Variants in SLC36A4 observed in about 807,000 individuals in gnomAD.
The protein encoded by SLC36A4 is solute carrier family 36 member 4, also known as neutral amino acid uniporter 4.
SLC36A4 carries 49 observed loss-of-function variants against 50.5 expected under a neutral mutation model. The observed-to-expected ratio is 0.97, with a 90% confidence interval of 0.77 to 1.23. The LOEUF is 1.23. Ranked by LOEUF, SLC36A4 falls within the 50% of genes most tolerant of loss-of-function variation. The probability of loss-of-function intolerance (pLI) is 0.00; values close to 1 mark genes in which losing one functional copy is unlikely to be tolerated. For missense variants in SLC36A4, 611 were observed against 608.4 expected (o/e 1.00, Z -0.05); for synonymous variants, 207 against 206.5 (o/e 1.00, Z -0.02).
At chr11:93,151,388 TA>T (rs1166899519) in intron 10 of SLC36A4, among the ~76,000 whole-genome samples, 2 of 151,986 alleles carry the variant, frequency 1.3e-5, no homozygotes, top group Non-Finnish European at 2.9e-5. Context: ...GATATTAAAA[TA>T]AAAGCCTATT....
chr11:93,185,828 A>T lies in SLC36A4; in HGVS notation c.56-14T>A, dbSNP rs1861961197. On this transcript the variant is annotated splice_polypyrimidine_tract_variant and intron_variant, in intron 1 of 10. Coordinates refer to ENST00000326402, the MANE Select transcript of SLC36A4 (RefSeq NM_152313.4). ...TTACATCCATATCTTTAAAAAAGAA[A>T]AACAAAGTACTTCACTATTGCTTAA... 6.4e-7 allele frequency: 1 copy of T among 1,566,736 alleles called. No individual in the cohort carries two copies. Among genetic ancestry groups the T allele is most frequent in the South Asian group, 1.2e-5 (1 of 83,304 alleles).
intron 8 of SLC36A4, 79 bp downstream of exon 8, chr11:93,165,839 T>C (rs1860832360): frequency 2.4e-6 from 2 of 840,450 alleles, no homozygotes; most frequent in Non-Finnish European, 3.5e-6. Context: ...AAATATGCAA[T>C]TTTAAATACA....
At chr11:93,193,187 T>C (rs1862285261) in intron 1 of SLC36A4, among the ~76,000 whole-genome samples, 1 of 152,166 alleles carries the variant, frequency 6.6e-6, no homozygotes, top group Non-Finnish European at 1.5e-5. Context: ...AACTGTGCTG[T>C]AAGATTGAGT....
intron 9 of SLC36A4, among the ~76,000 whole-genome samples, chr11:93,162,401 C>T (rs535123883): frequency 1.3e-5 from 2 of 151,912 alleles, no homozygotes; most frequent in Admixed American, 6.6e-5. Context: ...CTCCGCCTCC[C>T]GGGTTCAAGC....
intron 10 of SLC36A4, chr11:93,153,841 T>C (rs1216565482): frequency 5.4e-6 from 1 of 185,304 alleles, no homozygotes; most frequent in African/African-American, 2.3e-5. Context: ...ATGTACACAT[T>C]ATTTTAATCA....
intron 9 of SLC36A4, among the ~76,000 whole-genome samples, chr11:93,156,190 A>T (rs1440220219): frequency 6.6e-6 from 1 of 152,170 alleles, no homozygotes; most frequent in Non-Finnish European, 1.5e-5. Flanking sequence ...TTATACTCCC[A>T]TCAACAGTTT....
intron 3 of SLC36A4, 58 bp from the exon 4 acceptor site, chr11:93,182,952 T>C: frequency 8.1e-7 from 1 of 1,239,880 alleles, no homozygotes; most frequent in Non-Finnish European, 1.2e-6. Context: ...AGTAATCTTA[T>C]AAGCAATGAA....
intron 10 of SLC36A4, 22 bp from the exon 11 acceptor site, chr11:93,148,866 A>G (rs1416060347): frequency 1.9e-6 from 3 of 1,578,270 alleles, no homozygotes; most frequent in African/African-American, 1.4e-5. Flanking sequence ...AAATACATTT[A>G]TTTTTCTTAT....
chr11:93,165,840 T>A (rs538572026), intron 8 of SLC36A4, 78 bp downstream of exon 8: 2 of 848,208 alleles, frequency 2.4e-6, no homozygotes, highest in Non-Finnish European at 3.5e-6. Flanking sequence ...AATATGCAAT[T>A]TTAAATACAG....
intron 1 of SLC36A4, among the ~76,000 whole-genome samples, chr11:93,187,442 A>T (rs1862037919): frequency 6.6e-6 from 1 of 152,122 alleles, no homozygotes; most frequent in Non-Finnish European, 1.5e-5. Context: ...TCTTCTTTAG[A>T]TATTTCAATT....
intron 8 of SLC36A4, among the ~76,000 whole-genome samples, chr11:93,163,191 C>T (rs1042916212): frequency 6.6e-6 from 1 of 152,116 alleles, no homozygotes; most frequent in Non-Finnish European, 1.5e-5. Flanking sequence ...ATACCCCTCA[C>T]CCAGTTTCTC....
At chr11:93,169,418 G>A (rs1014625356) in intron 6 of SLC36A4, among the ~76,000 whole-genome samples, 5 of 152,034 alleles carry the variant, frequency 3.3e-5, no homozygotes, top group African/African-American at 1.2e-4. Flanking sequence ...CTGCCCAAGC[G>A]GTCACCTGGC....
intron 8 of SLC36A4, among the ~76,000 whole-genome samples, chr11:93,163,646 C>G (rs1860729843): frequency 6.6e-6 from 1 of 152,102 alleles, no homozygotes; most frequent in South Asian, 2.1e-4. Context: ...CTCTATTGTA[C>G]AGTTACTTTT....
intron 1 of SLC36A4, among the ~76,000 whole-genome samples, chr11:93,194,121 G>T (rs1343824150): frequency 6.6e-6 from 1 of 151,938 alleles, no homozygotes; most frequent in Non-Finnish European, 1.5e-5. Context: ...GTAGAAATAA[G>T]GGGAAGTAAA....
rs144828220 is a variant in SLC36A4, at chr11:93,152,019, T to C, written c.1207+2089A>G. The C allele has an allele frequency of 5.3e-4, 81 of 152,142 alleles. 2 individuals are homozygous for C. In the East Asian group the frequency reaches 0.016, roughly 29 times the overall value. 9.4% of individuals were successfully genotyped at this position (152,142 alleles called of 1,614,324 possible). A position where few individuals can be genotyped will look rare whatever the true frequency, so the allele number is the denominator to read the frequency against. ...GAGGAGTCTGAATCATTTCTAAAGT[T>C]TTTGAATTTCACTAAGAAGATATTT... On this transcript the variant is annotated intron_variant, in intron 10 of 10. Transcript: ENST00000326402.
chr11:93,191,476 C>G (rs760258236), intron 1 of SLC36A4, among the ~76,000 whole-genome samples: 1 of 152,158 alleles, frequency 6.6e-6, no homozygotes, highest in African/African-American at 2.4e-5. Flanking sequence ...GCGTCCCTTT[C>G]CTATGGAAGG....
intron 9 of SLC36A4, among the ~76,000 whole-genome samples, chr11:93,156,919 T>C (rs557649864): frequency 5.9e-5 from 9 of 152,184 alleles, no homozygotes; most frequent in Non-Finnish European, 1.2e-4. Context: ...CATCATAAAA[T>C]CTTTGCCCAT....
intron 2 of SLC36A4, among the ~76,000 whole-genome samples, chr11:93,184,769 C>T (rs915437124): frequency 1.3e-5 from 2 of 152,046 alleles, no homozygotes; most frequent in African/African-American, 4.8e-5. Context: ...AAACAAGATA[C>T]TAAAAAATTA....
intron 6 of SLC36A4, chr11:93,180,423 T>C (rs2134689911): frequency 1.4e-6 from 1 of 700,340 alleles, no homozygotes; most frequent in Non-Finnish European, 1.8e-6. Flanking sequence ...TCACTATTTT[T>C]ACTTGATTTT....
Sources: gnomAD v4.1 joint callset for allele counts (sites outside exome capture counted in the v4.1 genomes callset) on GRCh38, gnomAD v4.1.1 for gene constraint, MANE v1.5 for transcripts, NCBI Gene and HGNC (gene_info 2026-07-23, HGNC 2026-07-21) for gene names.